Variants in RFX4 observed in about 807,000 individuals in gnomAD.
RFX4 encodes the protein regulatory factor X4.
A neutral mutation model predicts 95.0 loss-of-function variants in RFX4; 10 were observed. The ratio of observed to expected loss-of-function variants is 0.11; its 90% CI spans 0.06 to 0.18. The LOEUF is 0.18. Among genes scored for constraint, RFX4 ranks in the 10% least tolerant of loss-of-function variants. The pLI, the probability that RFX4 is intolerant of heterozygous loss-of-function variation, is 1.00. For missense variants in RFX4, 640 were observed against 922.0 expected (o/e 0.69, Z 3.96); for synonymous variants, 321 against 340.7 (o/e 0.94, Z 0.64).
chr12:106,622,480 A>C (rs1427008797), intron 2 of RFX4, among the ~76,000 whole-genome samples: 1 of 152,112 alleles, frequency 6.6e-6, no homozygotes, highest in East Asian at 1.9e-4. Context: ...GAAGTGCTTT[A>C]ATTCCATGAT....
intron 13 of RFX4, among the ~76,000 whole-genome samples, chr12:106,731,831 C>G (rs545172692): frequency 6.6e-6 from 1 of 152,034 alleles, no homozygotes; most frequent in African/African-American, 2.4e-5. Flanking sequence ...TAAGCAAGAG[C>G]TCAGAGATGG....
chr12:106,666,221 A>G (rs897392086), intron 4 of RFX4, among the ~76,000 whole-genome samples: 1 of 152,024 alleles, frequency 6.6e-6, no homozygotes, highest in African/African-American at 2.4e-5. Context: ...TCTTGTTTAC[A>G]TGATTTCCAA....
chr12:106,591,851 A>ACC (rs1488959954), intron 1 of RFX4, among the ~76,000 whole-genome samples: 1 of 152,248 alleles, frequency 6.6e-6, no homozygotes, highest in Non-Finnish European at 1.5e-5. Flanking sequence ...ATTCACAGAT[A>ACC]TGTGTTAAAA....
chr12:106,704,521 A>G (rs1400441193), intron 8 of RFX4, among the ~76,000 whole-genome samples: 2 of 152,206 alleles, frequency 1.3e-5, no homozygotes, highest in African/African-American at 2.4e-5. Flanking sequence ...CATCATGGAA[A>G]TGAGAATTGG....
intron 7 of RFX4, among the ~76,000 whole-genome samples, chr12:106,694,901 G>A (rs2041851150): frequency 6.6e-6 from 1 of 152,048 alleles, no homozygotes; most frequent in Middle Eastern, 3.2e-3. Context: ...GCCAGGTGTG[G>A]TGGCACACAC....
At chr12:106,628,762 CTTTTTTT>C (rs397850563) in intron 2 of RFX4, among the ~76,000 whole-genome samples, 7 of 133,270 alleles carry the variant, frequency 5.3e-5, no homozygotes, top group African/African-American at 2.0e-4. Context: ...ATATATGTTC[CTTTTTTT>C]TTTTTTTTTT....
chr12:106,654,819 A>T (rs1323123692), intron 4 of RFX4, among the ~76,000 whole-genome samples: 4 of 152,226 alleles, frequency 2.6e-5, no homozygotes, highest in Non-Finnish European at 5.9e-5. Context: ...TATAAAAAAA[A>T]TGCAATCCAC....
chr12:106,709,325 T>C lies in RFX4; in HGVS notation c.834-5T>C. 2.5e-6 allele frequency: 4 copies of C among 1,613,204 alleles called. No individual in the cohort carries two copies. The South Asian group carries it at 3.3e-5, about 13-fold the overall frequency. On this transcript the variant is annotated splice_polypyrimidine_tract_variant and splice_region_variant and intron_variant, in intron 8 of 17. Coordinates refer to ENST00000392842, the MANE Select transcript of RFX4 (RefSeq NM_213594.3). ...GCACTTAAAACTCATCGTTTCTTTT[T>C]CTAGCTTAACTCAGGTGATTCGAAA...
intron 1 of RFX4, among the ~76,000 whole-genome samples, chr12:106,608,519 C>T (rs778016530): frequency 6.6e-6 from 1 of 152,168 alleles, no homozygotes. Flanking sequence ...TACAAATACT[C>T]CAGAATTCAT....
At chr12:106,647,131 T>A (rs1447695539) in intron 3 of RFX4, among the ~76,000 whole-genome samples, 1 of 152,186 alleles carries the variant, frequency 6.6e-6, no homozygotes, top group Admixed American at 6.5e-5. Context: ...ACTGTCAGTT[T>A]CTTAAAGGCT....
intron 4 of RFX4, among the ~76,000 whole-genome samples, chr12:106,658,657 G>A (rs2041009299): frequency 6.6e-6 from 1 of 152,154 alleles, no homozygotes; most frequent in African/African-American, 2.4e-5. Flanking sequence ...TGACAAACTG[G>A]TGCTCACTGG....
intron 7 of RFX4, chr12:106,693,219 G>T: frequency 3.6e-6 from 1 of 281,018 alleles, no homozygotes; most frequent in East Asian, 1.2e-4. Context: ...AGTATCATTG[G>T]ACAATAAATG....
chr12:106,701,693 A>G lies in RFX4; in HGVS notation c.833+5247A>G, dbSNP rs186605810. 1.0e-3 allele frequency among the ~76,000 whole-genome samples: 153 copies of G among 152,220 alleles called. 1 individual carries two copies. The highest frequency in any genetic ancestry group is 1.2e-3 in the Non-Finnish European group (83 of 68,020). The stretch of plus-strand genomic sequence containing the variant: ...AAGCATTTTTTATCTCCATCACTGT[A>G]CTTTGTTTTTATGTCAATTTCTAAT... On this transcript the variant is annotated intron_variant, in intron 8 of 17. Coordinates refer to ENST00000392842, the MANE Select transcript of RFX4 (RefSeq NM_213594.3).
rs201177628 is a variant in RFX4 at position 106,648,668 on chromosome 12, CTG to C, written c.192-5558_192-5557del. ...TTGGTAAAAGAGAATGAAAAAGTTT[CTG>C]TTCTTGACATGTGTGCAAGAACTTG... is the stretch of plus-strand genomic sequence containing the variant. On this transcript the variant is annotated intron_variant, in intron 3 of 17. Coordinates refer to ENST00000392842, the MANE Select transcript of RFX4 (RefSeq NM_213594.3). 7.2e-3 allele frequency among the ~76,000 whole-genome samples: 748 copies of C among 103,446 alleles called. 10 individuals carry two copies. Among genetic ancestry groups the C allele is most frequent in the African/African-American group, 0.025 (706 of 27,724 alleles). The allele number at this position is 103,446 out of a possible 152,430, so 67.9% of individuals were successfully genotyped here.
At chr12:106,627,426 T>G (rs1414095946) in intron 2 of RFX4, among the ~76,000 whole-genome samples, 1 of 151,990 alleles carries the variant, frequency 6.6e-6, no homozygotes, top group East Asian at 1.9e-4. Context: ...TCCCAGCTAC[T>G]TGGGAGGCTG....
chr12:106,741,237 C>T (rs1018088240), intron 15 of RFX4, among the ~76,000 whole-genome samples: 3 of 151,990 alleles, frequency 2.0e-5, no homozygotes, highest in Non-Finnish European at 4.4e-5. Context: ...GCCAAGATCA[C>T]GCCACTGGCA....
rs1259912384 is a variant in RFX4, at chr12:106,747,533, A to G, written c.1730A>G (p.Asn577Ser). ...TCCCAACAGCTGCCCTGTATGAGGA[A>G]CACTCATGTGCCTTCTTCCTCCGTC... ...ENSQQLPCMR[N>S]THVPSSSVTH... The change falls in exon 16 of 18, where the codon AAC becomes AGC. Residue 577 changes from asparagine (N) to serine (S), a missense_variant. Around this residue, in one of 7 missense-constraint regions of RFX4, gnomAD observed 300 missense variants for 346.8 expected, o/e 0.87. Transcript: ENST00000392842. 2 of 1,614,032 alleles carry G rather than the reference A, an allele frequency of 1.2e-6. No homozygotes were observed.
intron 4 of RFX4, among the ~76,000 whole-genome samples, chr12:106,668,180 C>T (rs963937468): frequency 2.6e-5 from 4 of 152,194 alleles, no homozygotes; most frequent in African/African-American, 4.8e-5. Context: ...TGTGCTCTGC[C>T]CTTTCTAGCA....
chr12:106,633,728 G>A (rs2137266640), intron 2 of RFX4, among the ~76,000 whole-genome samples: 1 of 152,228 alleles, frequency 6.6e-6, no homozygotes, highest in East Asian at 1.9e-4. Context: ...CTCAGAAATG[G>A]GGCCATAACA....
Sources: gnomAD v4.1 joint callset for allele counts (sites outside exome capture counted in the v4.1 genomes callset) on GRCh38, gnomAD v4.1.1 for gene constraint, gnomAD v4.1.1 regional missense constraint, MANE v1.5 for transcripts, NCBI Gene and HGNC (gene_info 2026-07-23, HGNC 2026-07-21) for gene names.